The following BSPH1 variants were observed in gnomAD, a reference collection of about 807,000 sequenced individuals.
BSPH1 encodes the protein binder of sperm protein homolog 1.
BSPH1 carries 21 observed loss-of-function variants against 22.5 expected under a neutral mutation model. That is an observed-to-expected ratio of 0.93 (90% CI 0.66 to 1.35). BSPH1 has a LOEUF of 1.35. Among genes scored for constraint, BSPH1 ranks in the 40% most tolerant of loss-of-function variants. The pLI is 0.00. For missense variants in BSPH1, 141 were observed against 154.2 expected, an observed-to-expected ratio of 0.91 and a Z score of 0.45; for synonymous variants, 42 against 53.6, an observed-to-expected ratio of 0.78 and a Z score of 0.95.
At position 47,978,013 on chromosome 19, in the gene BSPH1, T is replaced by TATATATAG. The variant is rs1357863504; in HGVS notation, c.125-510_125-509insCTATATAT. On this transcript the variant is annotated intron_variant, in intron 3 of 5. Coordinates refer to ENST00000344839, the MANE Select transcript of BSPH1 (RefSeq NM_001128326.2). ...ATGGTTAATACAGGATATATATATA[T>TATATATAG]ATATATATATATATATAGTTATAGG... 5.8e-4 allele frequency among the ~76,000 whole-genome samples: 84 copies of TATATATAG among 144,072 alleles called. 1 individual carries two copies. The highest frequency in any genetic ancestry group is 2.1e-3 in the African/African-American group (83 of 39,414). The allele number at this position is 144,072 out of a possible 152,430, so 94.5% of individuals were successfully genotyped here.
chr19:47,988,347 C>A (rs753382689), intron 1 of BSPH1, among the ~76,000 whole-genome samples: 1 of 152,086 alleles, frequency 6.6e-6, no homozygotes, highest in Non-Finnish European at 1.5e-5. Flanking sequence ...TTCCAGCAAC[C>A]CTGGGAGTCA....
intron 1 of BSPH1, among the ~76,000 whole-genome samples, chr19:47,985,090 A>G (rs1969458624): frequency 6.6e-6 from 1 of 151,618 alleles, no homozygotes; most frequent in African/African-American, 2.4e-5. Flanking sequence ...AAAGAAAAAG[A>G]AAAAGAAAAC....
At chr19:47,986,881 T>G (rs1415018304) in intron 1 of BSPH1, among the ~76,000 whole-genome samples, 1 of 152,226 alleles carries the variant, frequency 6.6e-6, no homozygotes, top group Non-Finnish European at 1.5e-5. Context: ...GGTTCCTTCT[T>G]AGGAGCTCAG....
intron 5 of BSPH1, among the ~76,000 whole-genome samples, chr19:47,969,304 C>T (rs547689561): frequency 1.4e-4 from 22 of 152,198 alleles, no homozygotes; most frequent in Non-Finnish European, 2.8e-4. Context: ...ATCAGAGTTC[C>T]TGGCCTGGGG....
chr19:47,991,954 G>T, intron 1 of BSPH1, 55 bp downstream of exon 1: 1 of 1,186,886 alleles, frequency 8.4e-7, no homozygotes, highest in Non-Finnish European at 1.2e-6. Context: ...CTCTCACTCT[G>T]CTCCAAAGTT....
chr19:47,983,820 C>A (rs556620915), intron 1 of BSPH1, among the ~76,000 whole-genome samples: 1 of 149,704 alleles, frequency 6.7e-6, no homozygotes, highest in South Asian at 2.1e-4. Context: ...TATTGTAACT[C>A]CATAAGGGCT....
intron 3 of BSPH1, among the ~76,000 whole-genome samples, chr19:47,978,876 G>T (rs1288786601): frequency 6.6e-6 from 1 of 152,206 alleles, no homozygotes; most frequent in East Asian, 1.9e-4. Flanking sequence ...TGATGCCAAA[G>T]GGCAATGCAA....
At chr19:47,982,642 A>G (rs371198067) in intron 1 of BSPH1, among the ~76,000 whole-genome samples, 146 of 152,336 alleles carry the variant, frequency 9.6e-4, no homozygotes, top group African/African-American at 3.4e-3. Flanking sequence ...ACTCAAACAA[A>G]TATTTGTAAA....
intron 5 of BSPH1, among the ~76,000 whole-genome samples, chr19:47,973,317 T>A (rs1279351034): frequency 1.3e-5 from 2 of 151,904 alleles, no homozygotes; most frequent in African/African-American, 4.8e-5. Context: ...GTGTTTTTCA[T>A]AAAAGATTTG....
intron 5 of BSPH1, among the ~76,000 whole-genome samples, chr19:47,969,684 G>GAGAGA (rs1555730574): frequency 8.8e-6 from 1 of 113,858 alleles, no homozygotes; most frequent in African/African-American, 4.1e-5. Context: ...AGGGAGAGGG[G>GAGAGA]GAGAGAGAGA....
chr19:47,969,828 G>A (rs1245568671), intron 5 of BSPH1, among the ~76,000 whole-genome samples: 1 of 151,844 alleles, frequency 6.6e-6, no homozygotes, highest in Non-Finnish European at 1.5e-5. Context: ...GTGTGAGAGA[G>A]AGACTTTAGA....
chr19:47,975,459 C>T (rs1873329749), intron 5 of BSPH1, among the ~76,000 whole-genome samples: 1 of 152,190 alleles, frequency 6.6e-6, no homozygotes, highest in African/African-American at 2.4e-5. Context: ...TCACCATGGA[C>T]CAGCCCCAGT....
chr19:47,973,834 A>G (rs748899304), intron 5 of BSPH1, among the ~76,000 whole-genome samples: 2 of 152,024 alleles, frequency 1.3e-5, no homozygotes, highest in Non-Finnish European at 2.9e-5. Context: ...TTCTCCTTTC[A>G]TTCACTGCCA....
chr19:47,969,692 A>AGG (rs1969292146), intron 5 of BSPH1, among the ~76,000 whole-genome samples: 2 of 53,348 alleles, frequency 3.7e-5, no homozygotes, highest in South Asian at 1.6e-3. Context: ...GGGGAGAGAG[A>AGG]GAGAGAGAGA....
chr19:47,987,468 C>T (rs1371143210), intron 1 of BSPH1, among the ~76,000 whole-genome samples: 1 of 150,988 alleles, frequency 6.6e-6, no homozygotes, highest in African/African-American at 2.4e-5. Context: ...TCACTGCAGG[C>T]TTGACTTCCC....
At chr19:47,973,345 C>G (rs1969330162) in intron 5 of BSPH1, among the ~76,000 whole-genome samples, 1 of 151,986 alleles carries the variant, frequency 6.6e-6, no homozygotes, top group Non-Finnish European at 1.5e-5. Flanking sequence ...TTACTCACTT[C>G]TAGGGAACAG....
At chr19:47,991,294 C>A (rs969244279) in intron 1 of BSPH1, among the ~76,000 whole-genome samples, 23 of 152,088 alleles carry the variant, frequency 1.5e-4, no homozygotes, top group Non-Finnish European at 2.5e-4. Context: ...TCGTGGTCGA[C>A]CAGCTGATGT....
Position 47,976,811 on chromosome 19 carries a change from G to C in BSPH1, c.300C>G (p.Ile100Met), listed in dbSNP as rs756979980. 12 of 1,551,534 alleles carry C rather than the reference G, an allele frequency of 7.7e-6. No homozygotes were observed. Among genetic ancestry groups the C allele is most frequent in the Non-Finnish European group, 1.0e-5 (12 of 1,146,916 alleles). Residue 100 changes from isoleucine (I) to methionine (M), a missense_variant, in exon 5 of 6, where the codon ATC (isoleucine) becomes ATG (methionine). Ile to Met is a conservative substitution (Grantham distance 10). Coordinates refer to ENST00000344839, the MANE Select transcript of BSPH1 (RefSeq NM_001128326.2). The stretch of plus-strand genomic sequence containing the variant: ...CCCCATCATCAGTACACTCCCAGTA[G>C]ATCAAGCGTCTGTACCAGAAGGGAA... The part of the protein sequence containing the change: ...CVFPFWYRRL[I>M]YWECTDDGEA...
chr19:47,982,966 G>C (rs1969433125), intron 1 of BSPH1, among the ~76,000 whole-genome samples: 1 of 152,136 alleles, frequency 6.6e-6, no homozygotes, highest in Non-Finnish European at 1.5e-5. Context: ...GGGAGGAATG[G>C]GGAGTTATTA....
Sources: gnomAD v4.1 joint callset for allele counts (sites outside exome capture counted in the v4.1 genomes callset) on GRCh38, gnomAD v4.1.1 for gene constraint, MANE v1.5 for transcripts, NCBI Gene and HGNC (gene_info 2026-07-23, HGNC 2026-07-21) for gene names.